Variants in LRRC7 observed in about 807,000 individuals in gnomAD.
LRRC7 encodes the protein leucine-rich repeat-containing protein 7.
A neutral mutation model predicts 175.7 loss-of-function variants in LRRC7; 23 were observed. That is an observed-to-expected ratio of 0.13 (90% CI 0.09 to 0.19). LRRC7 has a LOEUF of 0.19. LRRC7 is among the 10% of genes least tolerant of loss of function. The pLI, the probability that LRRC7 is intolerant of heterozygous loss-of-function variation, is 1.00. For synonymous variants in LRRC7, 685 were observed against 680.9 expected (o/e 1.01, Z -0.09); for missense variants, 1,354 against 1,904.7 (o/e 0.71, Z 5.38).
intron 2 of LRRC7, among the ~76,000 whole-genome samples, chr1:69,734,289 A>G (rs911558649): frequency 7.9e-5 from 12 of 152,030 alleles, no homozygotes; most frequent in African/African-American, 2.9e-4. Flanking sequence ...ACACACATAT[A>G]CACATACCAC....
chr1:69,933,588 A>G (rs1479745957), intron 8 of LRRC7, among the ~76,000 whole-genome samples: 1 of 152,238 alleles, frequency 6.6e-6, no homozygotes, highest in Non-Finnish European at 1.5e-5. Context: ...CAGTAAGGGC[A>G]TCAGTCTTCT....
intron 20 of LRRC7, 136 bp downstream of exon 20, chr1:70,036,760 G>A: frequency 2.3e-6 from 2 of 886,466 alleles, no homozygotes; most frequent in Non-Finnish European, 1.7e-6. Flanking sequence ...GTAAGCAAAT[G>A]TTGTTCGCCT....
intron 5 of LRRC7, among the ~76,000 whole-genome samples, chr1:69,827,740 AAGGTGGG>A (rs1230812889): frequency 6.6e-6 from 1 of 151,918 alleles, no homozygotes; most frequent in Non-Finnish European, 1.5e-5. Flanking sequence ...TTGAGAGACT[AAGGTGGG>A]AGAATCACTT....
At chr1:69,608,899 T>TATACAC (rs1553124965) in intron 1 of LRRC7, among the ~76,000 whole-genome samples, 12 of 123,740 alleles carry the variant, frequency 9.7e-5, no homozygotes, top group African/African-American at 3.5e-4. Context: ...TATATATATA[T>TATACAC]ACACACACAC....
intron 23 of LRRC7, among the ~76,000 whole-genome samples, chr1:70,064,431 C>A (rs17131171): frequency 0.06 from 9,044 of 151,732 alleles, 797 homozygotes; most frequent in African/African-American, 0.19. Context: ...TGAAATTGAG[C>A]GATACAGGAT....
chr1:69,980,486 A>T (rs2101887874), intron 9 of LRRC7, 33 bp downstream of exon 9: 1 of 1,445,106 alleles, frequency 6.9e-7, no homozygotes. Flanking sequence ...ATGTTGTTTA[A>T]TATTTGTTAT....
chr1:69,716,509 C>A (rs1180916832), intron 2 of LRRC7, among the ~76,000 whole-genome samples: 1 of 151,790 alleles, frequency 6.6e-6, no homozygotes, highest in Non-Finnish European at 1.5e-5. Flanking sequence ...AATACTTATT[C>A]CTTCATAAAA....
chr1:69,715,675 A>T (rs1665258951), intron 2 of LRRC7, among the ~76,000 whole-genome samples: 2 of 152,058 alleles, frequency 1.3e-5, no homozygotes, highest in African/African-American at 4.8e-5. Flanking sequence ...TGTTTAAGGT[A>T]TAATAGCAAG....
In LRRC7 at chr1:70,036,199, C is replaced by T; in HGVS notation, c.2074C>T (p.Pro692Ser). 1.2e-6 allele frequency: 2 copies of T among 1,613,534 alleles called. No homozygotes were observed. Among genetic ancestry groups the T allele is most frequent in the Non-Finnish European group, 1.7e-6 (2 of 1,179,686 alleles). ...PSLAETPLYP[P>S]KLVLLGKDKK... is the part of the protein sequence containing the mutation. ...ATTAGCTGAGACCCCTCTGTACCCA[C>T]CCAAACTTGTTCTGCTAGGGAAGGA... Residue 692 changes from proline (P) to serine (S), a missense_variant, in exon 19 of 27, where the codon CCC (proline) becomes TCC (serine). Physicochemically the swap from Pro to Ser is moderately conservative, Grantham distance 74. This residue lies in a region of LRRC7 where 1,032 missense variants were observed against 1,227.2 expected (regional missense o/e 0.84). Coordinates refer to ENST00000651989, the MANE Select transcript of LRRC7 (RefSeq NM_001370785.2).
chr1:69,889,978 T>G (rs1645784367), intron 7 of LRRC7, among the ~76,000 whole-genome samples: 1 of 152,228 alleles, frequency 6.6e-6, no homozygotes, highest in Admixed American at 6.5e-5. Context: ...TTTAGATCTC[T>G]TTCTACCACA....
At chr1:70,106,441 G>T (rs774468936) in intron 25 of LRRC7, among the ~76,000 whole-genome samples, 1 of 151,924 alleles carries the variant, frequency 6.6e-6, no homozygotes, top group Admixed American at 6.6e-5. Flanking sequence ...TTTTCATAAC[G>T]TTTTCTTCTA....
At chr1:69,720,436 T>C (rs1557646490) in intron 2 of LRRC7, among the ~76,000 whole-genome samples, 1 of 151,620 alleles carries the variant, frequency 6.6e-6, no homozygotes, top group African/African-American at 2.4e-5. Context: ...TTTCACAGTT[T>C]AAGGATTACT....
rs546148625 is a variant in LRRC7, at chr1:70,131,989, G to A, written c.*10102G>A. Among the ~76,000 whole-genome samples, 5 of 152,246 alleles carry A rather than the reference G, an allele frequency of 3.3e-5. 1 individual carries two copies. Among genetic ancestry groups the A allele is most frequent in the Admixed American group, 3.3e-4 (5 of 15,300 alleles). The stretch of plus-strand genomic sequence containing the variant: ...TGAGTAAGGAACAAGAACAGACTAG[G>A]GCTGGGAAAGAGGGGAATTAATAAG... On this transcript the variant is annotated 3_prime_UTR_variant, in exon 27 of 27. Transcript: ENST00000651989.
chr1:69,648,724 C>G (rs1202963219), intron 1 of LRRC7, among the ~76,000 whole-genome samples: 1 of 152,202 alleles, frequency 6.6e-6, no homozygotes, highest in Non-Finnish European at 1.5e-5. Context: ...TCTTGCTACT[C>G]TCTGCCCTCT....
At chr1:69,728,388 T>C (rs1667209405) in intron 2 of LRRC7, among the ~76,000 whole-genome samples, 1 of 152,146 alleles carries the variant, frequency 6.6e-6, no homozygotes, top group African/African-American at 2.4e-5. Flanking sequence ...GAGAATGCAT[T>C]TAACAAGAAA....
At chr1:69,610,222 A>C (rs1453698750) in intron 1 of LRRC7, among the ~76,000 whole-genome samples, 1 of 152,028 alleles carries the variant, frequency 6.6e-6, no homozygotes, top group East Asian at 1.9e-4. Flanking sequence ...AATTTGACTA[A>C]TCCTTCACTG....
At chr1:69,943,271 GA>G (rs902970320) in intron 8 of LRRC7, among the ~76,000 whole-genome samples, 5 of 151,554 alleles carry the variant, frequency 3.3e-5, no homozygotes, top group Middle Eastern at 3.2e-3. Context: ...ATTCAGCAAC[GA>G]AAAAAAATGA....
intron 1 of LRRC7, among the ~76,000 whole-genome samples, chr1:69,626,235 G>A (rs907529345): frequency 6.6e-6 from 1 of 152,082 alleles, no homozygotes; most frequent in East Asian, 1.9e-4. Context: ...GGCCCCAAAA[G>A]ATTGTCAGAA....
At chr1:69,804,689 G>T (rs1434264742) in intron 4 of LRRC7, among the ~76,000 whole-genome samples, 5 of 151,498 alleles carry the variant, frequency 3.3e-5, no homozygotes, top group Non-Finnish European at 5.9e-5. Context: ...ATAAGTAAAT[G>T]CATCAGCTTT....
Sources: allele counts gnomAD v4.1 joint callset (sites outside exome capture counted in the v4.1 genomes callset), GRCh38; gene constraint gnomAD v4.1.1; regional missense constraint gnomAD v4.1.1; transcripts MANE v1.5; gene names NCBI Gene and HGNC (gene_info 2026-07-23, HGNC 2026-07-21).